CTNNA3: variants seen among roughly 807,000 people sequenced by gnomAD.
CTNNA3 encodes catenin alpha-3.
Under a neutral mutation model 95.7 loss-of-function variants are expected in CTNNA3, and 76 were observed. That is an observed-to-expected ratio of 0.79 (90% CI 0.66 to 0.96). CTNNA3 has a LOEUF of 0.96. CTNNA3 is among the 40% of genes least tolerant of loss of function. The pLI, the probability that CTNNA3 is intolerant of heterozygous loss-of-function variation, is 0.00. For missense variants in CTNNA3, 1,191 were observed against 1,089.8 expected (o/e 1.09, Z -1.31); for synonymous variants, 431 against 374.4 (o/e 1.15, Z -1.74).
At chr10:66,267,619 A>G (rs1242976768) in intron 13 of CTNNA3, among the ~76,000 whole-genome samples, 1 of 152,174 alleles carries the variant, frequency 6.6e-6, no homozygotes, top group Non-Finnish European at 1.5e-5. Context: ...ATTAAAAGAT[A>G]GAAAATACTC....
chr10:66,288,507 A>G (rs2091627405), intron 12 of CTNNA3, among the ~76,000 whole-genome samples: 6 of 152,068 alleles, frequency 3.9e-5, no homozygotes, highest in Non-Finnish European at 1.5e-5. Flanking sequence ...CTATTTTCTA[A>G]AGTTGTGTTG....
At chr10:66,888,309 G>A (rs897799376) in intron 7 of CTNNA3, among the ~76,000 whole-genome samples, 1 of 152,142 alleles carries the variant, frequency 6.6e-6, no homozygotes, top group African/African-American at 2.4e-5. Flanking sequence ...CACTTTAAGA[G>A]TAAGGAAACA....
chr10:67,401,311 A>G (rs1265225772), intron 5 of CTNNA3, among the ~76,000 whole-genome samples: 3 of 152,224 alleles, frequency 2.0e-5, no homozygotes, highest in Non-Finnish European at 4.4e-5. Context: ...TACTTTTAAA[A>G]TATAGATTGG....
chr10:66,109,797 C>A (rs1424956214), intron 13 of CTNNA3, among the ~76,000 whole-genome samples: 1 of 149,460 alleles, frequency 6.7e-6, no homozygotes, highest in Non-Finnish European at 1.5e-5. Flanking sequence ...TGCAGCACAC[C>A]AACATGGCAC....
intron 3 of CTNNA3, among the ~76,000 whole-genome samples, chr10:67,593,709 A>C (rs961941823): frequency 6.6e-6 from 1 of 152,142 alleles, no homozygotes; most frequent in South Asian, 2.1e-4. Context: ...GCAAAGAAAG[A>C]TAGGTTGAAT....
chr10:67,171,053 T>C (rs1016794658), intron 7 of CTNNA3, among the ~76,000 whole-genome samples: 6 of 152,238 alleles, frequency 3.9e-5, no homozygotes, highest in Non-Finnish European at 5.9e-5. Flanking sequence ...TTTTACTGTA[T>C]GTAGCTACTA....
At chr10:65,968,194 A>C (rs1161721805) in intron 16 of CTNNA3, among the ~76,000 whole-genome samples, 1 of 152,090 alleles carries the variant, frequency 6.6e-6, no homozygotes, top group African/African-American at 2.4e-5. Flanking sequence ...ATTTGAGACC[A>C]GCCTGGGGAA....
intron 9 of CTNNA3, among the ~76,000 whole-genome samples, chr10:66,674,002 C>G (rs1846756038): frequency 7.3e-6 from 1 of 136,544 alleles, no homozygotes; most frequent in African/African-American, 2.9e-5. Flanking sequence ...TATCACTATA[C>G]TAACTCAGCA....
chr10:67,609,259 T>C (rs756926113), intron 2 of CTNNA3, among the ~76,000 whole-genome samples: 5 of 152,018 alleles, frequency 3.3e-5, no homozygotes, highest in Non-Finnish European at 7.4e-5. Flanking sequence ...GACCTGAAAC[T>C]CCTCTTGAAA....
At chr10:66,366,815 C>G in intron 12 of CTNNA3, among the ~76,000 whole-genome samples, 1 of 152,124 alleles carries the variant, frequency 6.6e-6, no homozygotes, top group East Asian at 1.9e-4. Flanking sequence ...AATGCAACCA[C>G]TTGCTTAACT....
At chr10:66,437,036 AG>A (rs572930303) in intron 11 of CTNNA3, among the ~76,000 whole-genome samples, 348 of 152,184 alleles carry the variant, frequency 2.3e-3, no homozygotes, top group African/African-American at 8.2e-3. Flanking sequence ...TCTGGCTTGT[AG>A]GGTTTCTGCC....
At chr10:67,658,443 A>AATTATT (rs1398292759) in intron 1 of CTNNA3, among the ~76,000 whole-genome samples, 1 of 152,140 alleles carries the variant, frequency 6.6e-6, no homozygotes, top group Non-Finnish European at 1.5e-5. Flanking sequence ...TAGACCTCAT[A>AATTATT]ATTATTATTC....
chr10:67,245,966 G>A (rs907399348), intron 5 of CTNNA3, among the ~76,000 whole-genome samples: 1 of 152,044 alleles, frequency 6.6e-6, no homozygotes, highest in African/African-American at 2.4e-5. Flanking sequence ...CATTCTAGAG[G>A]CAAATATTAG....
intron 13 of CTNNA3, among the ~76,000 whole-genome samples, chr10:66,201,901 G>A (rs1225386280): frequency 2.1e-5 from 3 of 144,052 alleles, no homozygotes; most frequent in Non-Finnish European, 4.5e-5. Context: ...TGATTCTCTC[G>A]CCTCAGCCTC....
At chr10:66,311,566 G>A (rs1177975029) in intron 12 of CTNNA3, among the ~76,000 whole-genome samples, 1 of 152,174 alleles carries the variant, frequency 6.6e-6, no homozygotes, top group Non-Finnish European at 1.5e-5. Flanking sequence ...ACTTCACTTA[G>A]TACAGTGACA....
At chr10:66,827,426 A>C (rs1363486189) in intron 7 of CTNNA3, among the ~76,000 whole-genome samples, 1 of 152,044 alleles carries the variant, frequency 6.6e-6, no homozygotes, top group Non-Finnish European at 1.5e-5. Flanking sequence ...TCAATTTCTG[A>C]TTTTGCCTTA....
At chr10:66,591,109 C>A (rs561938405) in intron 10 of CTNNA3, among the ~76,000 whole-genome samples, 2 of 152,258 alleles carry the variant, frequency 1.3e-5, no homozygotes, top group Admixed American at 1.3e-4. Context: ...CGGGAAAGAA[C>A]AGAACATCAT....
chr10:66,633,341 T>A (rs1845211867), intron 9 of CTNNA3, among the ~76,000 whole-genome samples: 1 of 152,198 alleles, frequency 6.6e-6, no homozygotes, highest in Admixed American at 6.5e-5. Flanking sequence ...GTATATAATT[T>A]TAAGTGAGAT....
At chr10:66,124,320 G>A (rs1170965982) in intron 13 of CTNNA3, among the ~76,000 whole-genome samples, 1 of 152,144 alleles carries the variant, frequency 6.6e-6, no homozygotes, top group Admixed American at 6.5e-5. Context: ...CTTTGCTCCA[G>A]TTCCCAACAA....
Sources: gnomAD v4.1 joint callset for allele counts (sites outside exome capture counted in the v4.1 genomes callset) on GRCh38, gnomAD v4.1.1 for gene constraint, MANE v1.5 for transcripts, NCBI Gene and HGNC (gene_info 2026-07-23, HGNC 2026-07-21) for gene names.